PTPRD: variants seen among roughly 807,000 people sequenced by gnomAD.
PTPRD encodes protein tyrosine phosphatase receptor type D.
A neutral mutation model predicts 214.5 loss-of-function variants in PTPRD; 34 were observed. The ratio of observed to expected loss-of-function variants is 0.16; its 90% CI spans 0.12 to 0.21. PTPRD has a LOEUF of 0.21. Among genes scored for constraint, PTPRD ranks in the 10% least tolerant of loss-of-function variants. PTPRD has a pLI of 1.00. For missense variants in PTPRD, 2,545 were observed against 2,398.7 expected (o/e 1.06, Z -1.27); for synonymous variants, 1,128 against 845.7 (o/e 1.33, Z -5.79).
chr9:8,406,783 A>C (rs939843462), intron 35 of PTPRD, among the ~76,000 whole-genome samples: 4 of 152,204 alleles, frequency 2.6e-5, no homozygotes, highest in African/African-American at 9.6e-5. Context: ...ACCCATTATC[A>C]TATGGCTTAG....
chr9:9,242,209 A>C (rs200044535), intron 9 of PTPRD, among the ~76,000 whole-genome samples: 2 of 152,282 alleles, frequency 1.3e-5, no homozygotes, highest in Non-Finnish European at 2.9e-5. Flanking sequence ...TCTGCCGAGA[A>C]ATCAGCTGTT....
chr9:10,184,956 T>C (rs1593442639), intron 3 of PTPRD, among the ~76,000 whole-genome samples: 1 of 152,268 alleles, frequency 6.6e-6, no homozygotes, highest in East Asian at 1.9e-4. Flanking sequence ...CACAGCAGTG[T>C]TTGTGAAAGT....
chr9:9,516,266 T>G (rs2096835795), intron 8 of PTPRD, among the ~76,000 whole-genome samples: 1 of 127,516 alleles, frequency 7.8e-6, no homozygotes, highest in South Asian at 2.3e-4. Flanking sequence ...CCATATTTAC[T>G]TAAGCTAAAA....
chr9:10,261,077 G>A (rs868514031), intron 3 of PTPRD, among the ~76,000 whole-genome samples: 2 of 114,254 alleles, frequency 1.8e-5, no homozygotes, highest in Admixed American at 8.6e-5. Flanking sequence ...TTATATATAT[G>A]TGTGTATATA....
chr9:10,258,299 G>A (rs1237029758), intron 3 of PTPRD, among the ~76,000 whole-genome samples: 1 of 152,154 alleles, frequency 6.6e-6, no homozygotes, highest in Admixed American at 6.5e-5. Context: ...CATGGTCATG[G>A]GAGCTGAGGG....
chr9:8,364,032 T>G (rs2079148857), intron 39 of PTPRD, among the ~76,000 whole-genome samples: 1 of 152,242 alleles, frequency 6.6e-6, no homozygotes, highest in Admixed American at 6.5e-5. Flanking sequence ...TTGCTAAACA[T>G]TTGTTTATTT....
intron 4 of PTPRD, among the ~76,000 whole-genome samples, chr9:9,995,459 T>C (rs988581981): frequency 2.0e-5 from 3 of 152,186 alleles, no homozygotes; most frequent in Non-Finnish European, 2.9e-5. Flanking sequence ...GATAAAAGTT[T>C]ATAAATCTCC....
Position 10,243,747 on chromosome 9 carries a change from G to T in PTPRD, c.-545+97216C>A, listed in dbSNP as rs1354121991. 3.9e-5 allele frequency among the ~76,000 whole-genome samples: 6 copies of T among 151,902 alleles called. No individual in the cohort carries two copies. The East Asian group carries it at 7.7e-4, about 20-fold the overall frequency. The stretch of plus-strand genomic sequence containing the variant: ...TGCTCCAACCTCTAATTACTATCTT[G>T]CTCCAACCTCTAATTCAAGCCTCCT... On this transcript the variant is annotated intron_variant, in intron 3 of 45. Coordinates refer to ENST00000381196, the MANE Select transcript of PTPRD (RefSeq NM_002839.4).
chr9:8,496,384 T>C (rs2097271813), intron 26 of PTPRD, among the ~76,000 whole-genome samples: 1 of 152,214 alleles, frequency 6.6e-6, no homozygotes. Context: ...GTAGGCCATA[T>C]ATTTTGCTGC....
chr9:9,107,361 G>A (rs545195222), intron 10 of PTPRD, among the ~76,000 whole-genome samples: 4 of 152,260 alleles, frequency 2.6e-5, no homozygotes, highest in Admixed American at 6.5e-5. Flanking sequence ...CGAACAAGCT[G>A]CATGCTTGAT....
At chr9:9,936,450 T>C (rs1226588852) in intron 5 of PTPRD, among the ~76,000 whole-genome samples, 1 of 151,434 alleles carries the variant, frequency 6.6e-6, no homozygotes, top group Non-Finnish European at 1.5e-5. Flanking sequence ...AAGACATTTA[T>C]GCAGCCAAAA....
intron 10 of PTPRD, among the ~76,000 whole-genome samples, chr9:9,036,454 A>G (rs2099622168): frequency 6.6e-6 from 1 of 152,148 alleles, no homozygotes; most frequent in South Asian, 2.1e-4. Context: ...TATAATGTAA[A>G]TCCTAGATGG....
At chr9:8,830,419 G>C (rs929000882) in intron 11 of PTPRD, among the ~76,000 whole-genome samples, 2 of 152,064 alleles carry the variant, frequency 1.3e-5, no homozygotes, top group Non-Finnish European at 2.9e-5. Flanking sequence ...ACTCTCAAAA[G>C]TCCACAAGAA....
intron 9 of PTPRD, among the ~76,000 whole-genome samples, chr9:9,244,447 C>A (rs1055614493): frequency 6.6e-6 from 1 of 152,026 alleles, no homozygotes. Context: ...AGATATAGAC[C>A]AATGGAACAG....
intron 11 of PTPRD, among the ~76,000 whole-genome samples, chr9:8,941,523 C>T (rs940199171): frequency 1.3e-5 from 2 of 152,150 alleles, no homozygotes; most frequent in African/African-American, 2.4e-5. Context: ...AACTTAACCT[C>T]ACTTAATAGC....
Position 9,171,617 on chromosome 9 carries a change from G to A in PTPRD, c.-143+11687C>T, listed in dbSNP as rs543828015. On this transcript the variant is annotated intron_variant, in intron 10 of 45. Coordinates refer to ENST00000381196, the MANE Select transcript of PTPRD (RefSeq NM_002839.4). ...GTCACAAGGTCAAATATGTTGATAG[G>A]AATTAGAATTCTATGGGCGTATTTT... 2.6e-5 allele frequency among the ~76,000 whole-genome samples: 4 copies of A among 151,976 alleles called. No homozygotes were observed. The East Asian group carries it at 7.7e-4, about 29-fold the overall frequency.
At chr9:9,158,940 C>T (rs1335777461) in intron 10 of PTPRD, among the ~76,000 whole-genome samples, 1 of 152,058 alleles carries the variant, frequency 6.6e-6, no homozygotes, top group Non-Finnish European at 1.5e-5. Flanking sequence ...ACCACAGTAA[C>T]AAAACAAAGA....
chr9:9,580,262 C>T (rs986142760), intron 7 of PTPRD, among the ~76,000 whole-genome samples: 13 of 151,988 alleles, frequency 8.6e-5, no homozygotes, highest in Non-Finnish European at 1.8e-4. Flanking sequence ...TGGTTCTATT[C>T]TTAGTTCTTT....
chr9:9,896,442 C>G (rs1384282037), intron 5 of PTPRD, among the ~76,000 whole-genome samples: 1 of 152,022 alleles, frequency 6.6e-6, no homozygotes, highest in Non-Finnish European at 1.5e-5. Context: ...CAGGCCTCTT[C>G]TGTTTACTCT....
Sources: allele counts gnomAD v4.1 joint callset (sites outside exome capture counted in the v4.1 genomes callset), GRCh38; gene constraint gnomAD v4.1.1; transcripts MANE v1.5; gene names NCBI Gene and HGNC (gene_info 2026-07-23, HGNC 2026-07-21).